The following TRPM6 variants were observed in gnomAD, a reference collection of about 807,000 sequenced individuals.
TRPM6 encodes the protein channel kinase 2.
TRPM6 carries 111 observed loss-of-function variants against 247.6 expected under a neutral mutation model. The ratio of observed to expected loss-of-function variants is 0.45; its 90% CI spans 0.38 to 0.52. TRPM6 has a LOEUF of 0.52. TRPM6 is among the 20% of genes least tolerant of loss of function. The pLI is 0.00. For synonymous variants in TRPM6, 892 were observed against 853.8 expected, an observed-to-expected ratio of 1.04 and a Z score of -0.78; for missense variants, 2,126 against 2,421.5, an observed-to-expected ratio of 0.88 and a Z score of 2.56.
chr9:74,827,803 GTAC>G lies in TRPM6; in HGVS notation c.813_815del (p.Lys271_Tyr272delinsAsn). 1 of 1,614,080 alleles carries G rather than the reference GTAC, an allele frequency of 6.2e-7. No individual in the cohort carries two copies. Among genetic ancestry groups the G allele is most frequent in the Non-Finnish European group, 8.5e-7 (1 of 1,180,012 alleles). On this transcript the variant is annotated inframe_deletion, in exon 7 of 39. Transcript: ENST00000360774. ...GGCAGTGTATTTTCTGCAGAGAGAGGTACTTCTCCAGGTTCCTTCTGAGCTTCA... is the reference window on the plus strand; with the variant it reads ...GGCAGTGTATTTTCTGCAGAGAGAGGTTCTCCAGGTTCCTTCTGAGCTTCA...
At chr9:74,873,678 T>C (rs1831098783) in intron 1 of TRPM6, among the ~76,000 whole-genome samples, 1 of 152,214 alleles carries the variant, frequency 6.6e-6, no homozygotes, top group Admixed American at 6.5e-5. Flanking sequence ...CTAAATCATT[T>C]ACCTTAAGAT....
rs531634463 is a variant in TRPM6, at chr9:74,796,620, C to T, written c.2391+121G>A. On this transcript the variant is annotated intron_variant, in intron 18 of 38. Transcript: ENST00000360774. ...CCCAGGACCATATGTCATCACAGGC[C>T]TGAAATATAGGCAACATAACTTTTG... 2.7e-4 allele frequency: 267 copies of T among 1,007,530 alleles called. 1 individual carries two copies. The highest frequency in any genetic ancestry group is 2.5e-3 in the Middle Eastern group (10 of 3,980). The allele number at this position is 1,007,530 out of a possible 1,614,324, so 62.4% of individuals were successfully genotyped here.
chr9:74,802,980 C>G (rs1828397431), intron 15 of TRPM6, among the ~76,000 whole-genome samples: 1 of 152,142 alleles, frequency 6.6e-6, no homozygotes, highest in Admixed American at 6.5e-5. Context: ...CACCCACCTT[C>G]CAAGTTCAAC....
intron 33 of TRPM6, among the ~76,000 whole-genome samples, chr9:74,741,358 G>A (rs766854365): frequency 6.6e-6 from 1 of 151,716 alleles, no homozygotes; most frequent in Non-Finnish European, 1.5e-5. Context: ...TATGAACACG[G>A]TACTGGTTTA....
At chr9:74,726,958 G>C (rs1410994066) in intron 38 of TRPM6, among the ~76,000 whole-genome samples, 2 of 152,182 alleles carry the variant, frequency 1.3e-5, no homozygotes, top group Non-Finnish European at 2.9e-5. Flanking sequence ...GTGAGAGTGA[G>C]TCCTGGCCAG....
chr9:74,834,036 C>T lies in TRPM6; in HGVS notation c.631G>A (p.Gly211Ser), dbSNP rs747787019. 4 of 1,613,892 alleles carry T rather than the reference C, an allele frequency of 2.5e-6. No individual in the cohort carries two copies. The African/African-American group carries it at 4.0e-5, about 16-fold the overall frequency. The change falls in exon 6 of 39, where the codon GGT (glycine) becomes AGT (serine). Residue 211 changes from glycine to serine, a missense_variant. Coordinates refer to ENST00000360774, the MANE Select transcript of TRPM6 (RefSeq NM_017662.5). ...KIWTVGIPPW[G>S]VIENQRDLIG... The stretch of plus-strand genomic sequence containing the variant: ...AGGTCTCTCTGGTTCTCAATGACAC[C>T]CCAAGGAGGGATTCCAACTGTCCAG...
At chr9:74,744,398 G>A (rs1306403932) in intron 31 of TRPM6, among the ~76,000 whole-genome samples, 4 of 152,080 alleles carry the variant, frequency 2.6e-5, no homozygotes, top group South Asian at 4.1e-4. Flanking sequence ...TAGCCTCAAA[G>A]ATGTATTTCC....
chr9:74,872,162 T>A (rs1831048636), intron 1 of TRPM6, among the ~76,000 whole-genome samples: 1 of 152,012 alleles, frequency 6.6e-6, no homozygotes, highest in South Asian at 2.1e-4. Context: ...TGCAACTTTT[T>A]AAAAATAGTG....
At chr9:74,747,999 G>T in intron 30 of TRPM6, 85 bp from the exon 31 acceptor site, 1 of 1,181,572 alleles carries the variant, frequency 8.5e-7, no homozygotes, top group Non-Finnish European at 1.3e-6. Flanking sequence ...ACATGGAACA[G>T]TAACAACACA....
At chr9:74,728,419 C>T (rs1042530878) in intron 37 of TRPM6, 74 bp from the exon 38 acceptor site, 5 of 1,053,256 alleles carry the variant, frequency 4.7e-6, no homozygotes, top group South Asian at 1.3e-5. Flanking sequence ...TCCGAGATAC[C>T]GAACAGTATC....
chr9:74,746,578 G>A (rs1015022486), intron 31 of TRPM6, among the ~76,000 whole-genome samples: 1 of 152,218 alleles, frequency 6.6e-6, no homozygotes, highest in Non-Finnish European at 1.5e-5. Context: ...GAGCATTGAG[G>A]AAAAACTCAG....
intron 25 of TRPM6, among the ~76,000 whole-genome samples, chr9:74,769,805 G>GAGGGAGGGAGGT (rs1468547541): frequency 6.8e-6 from 1 of 146,946 alleles, no homozygotes; most frequent in Non-Finnish European, 1.5e-5. Context: ...GGGAGGGAGG[G>GAGGGAGGGAGGT]AGGAAGGAAA....
intron 25 of TRPM6, among the ~76,000 whole-genome samples, chr9:74,764,908 T>C (rs548063741): frequency 6.6e-6 from 1 of 151,868 alleles, no homozygotes; most frequent in Non-Finnish European, 1.5e-5. Flanking sequence ...ATACAAAAGG[T>C]AAGGAAACCC....
intron 21 of TRPM6, among the ~76,000 whole-genome samples, chr9:74,784,264 GA>G (rs561088762): frequency 4.3e-3 from 350 of 81,728 alleles, no homozygotes; most frequent in Middle Eastern, 0.019. Flanking sequence ...CTCCATCTCA[GA>G]AAAAAAAAAA....
At chr9:74,883,970 A>G (rs1831445699) in intron 1 of TRPM6, among the ~76,000 whole-genome samples, 1 of 152,134 alleles carries the variant, frequency 6.6e-6, no homozygotes, top group African/African-American at 2.4e-5. Flanking sequence ...ACCAACATGG[A>G]GAAACCCTGT....
chr9:74,770,656 T>G (rs989513502), intron 25 of TRPM6, among the ~76,000 whole-genome samples: 1 of 152,094 alleles, frequency 6.6e-6, no homozygotes, highest in Admixed American at 6.6e-5. Flanking sequence ...CAACCTTGTC[T>G]GCCTTCCCGT....
chr9:74,842,112 G>GA (rs373974133), intron 4 of TRPM6, 54 bp downstream of exon 4: 206,595 of 1,259,826 alleles, frequency 0.16, no homozygotes, highest in Non-Finnish European at 0.18. Context: ...ACCCCGTCTC[G>GA]AAAAAAAAAA....
chr9:74,809,429 C>G (rs1828647890), intron 13 of TRPM6, among the ~76,000 whole-genome samples: 1 of 152,106 alleles, frequency 6.6e-6, no homozygotes, highest in Admixed American at 6.6e-5. Context: ...AAGCTTGGAA[C>G]AAGAAATAAG....
Position 74,761,995 on chromosome 9 carries a change from T to G in TRPM6, c.4672+4A>C, listed in dbSNP as rs773460319. 6.2e-7 allele frequency: 1 copy of G among 1,613,212 alleles called. No homozygotes were observed. Among genetic ancestry groups the G allele is most frequent in the Non-Finnish European group, 8.5e-7 (1 of 1,179,226 alleles). ...TGCTGATATTTTAAATGTTTATTCCTTACTTTTAATCTTACAGATCTTCAT... is the reference window on the plus strand; with the variant it reads ...TGCTGATATTTTAAATGTTTATTCCGTACTTTTAATCTTACAGATCTTCAT... On this transcript the variant is annotated splice_donor_region_variant and intron_variant, in intron 26 of 38. Coordinates refer to ENST00000360774, the MANE Select transcript of TRPM6 (RefSeq NM_017662.5).
Sources: allele counts gnomAD v4.1 joint callset (sites outside exome capture counted in the v4.1 genomes callset), GRCh38; gene constraint gnomAD v4.1.1; transcripts MANE v1.5; gene names NCBI Gene and HGNC (gene_info 2026-07-23, HGNC 2026-07-21).